PRIM2: variants seen among roughly 807,000 people sequenced by gnomAD.
PRIM2 encodes the protein DNA primase large subunit.
Under a neutral mutation model 67.3 loss-of-function variants are expected in PRIM2, and 39 were observed. That is an observed-to-expected ratio of 0.58 (90% confidence interval 0.45 to 0.76). PRIM2 has a LOEUF of 0.76. Among genes scored for constraint, PRIM2 ranks in the 30% least tolerant of loss-of-function variants. The pLI is 0.00. For missense variants in PRIM2, 398 were observed against 598.7 expected (o/e 0.66, Z 3.50); for synonymous variants, 143 against 198.7 (o/e 0.72, Z 2.36).
chr6:57,406,991 A>G (rs1770914479), intron 7 of PRIM2, among the ~76,000 whole-genome samples: 1 of 150,868 alleles, frequency 6.6e-6, no homozygotes. Context: ...AATGATCTAG[A>G]AAACAGATAA....
intron 12 of PRIM2, among the ~76,000 whole-genome samples, chr6:57,615,420 CAAAAAAAAA>C (rs1159988256): frequency 9.3e-6 from 1 of 107,360 alleles, no homozygotes; most frequent in Non-Finnish European, 2.0e-5. Flanking sequence ...GATTCTGTCT[CAAAAAAAAA>C]AAAAAAAAAA....
chr6:57,395,364 T>C (rs28877338), intron 7 of PRIM2, among the ~76,000 whole-genome samples: 8 of 152,190 alleles, frequency 5.3e-5, no homozygotes, highest in Non-Finnish European at 1.2e-4. Flanking sequence ...GTTCAGGGTA[T>C]CTAATTCTTC....
intron 8 of PRIM2, among the ~76,000 whole-genome samples, chr6:57,514,542 C>G (rs1461730254): frequency 2.0e-5 from 3 of 152,164 alleles, no homozygotes; most frequent in African/African-American, 4.8e-5. Context: ...TTTCTACATG[C>G]AGCAGCACAA....
chr6:57,270,479 T>A, the PRIM2 span, among the ~76,000 whole-genome samples: 1 of 152,200 alleles, frequency 6.6e-6, no homozygotes, highest in Non-Finnish European at 1.5e-5. Flanking sequence ...ATTGATTTTG[T>A]ATCCTGAGAC....
At position 57,458,810 on chromosome 6, in the gene PRIM2, A is replaced by T. The variant is rs1772901119; in HGVS notation, c.694-48577A>T. 2.6e-5 allele frequency among the ~76,000 whole-genome samples: 4 copies of T among 152,192 alleles called. 1 individual carries two copies. In the South Asian group the frequency reaches 8.3e-4, roughly 32 times the overall value. ...ACTTCATTTTTGTTTCCTACCCAGA[A>T]TACACACTTTGTCTTCATAAAAAAA... On this transcript the variant is annotated intron_variant, in intron 7 of 13. Coordinates refer to ENST00000615550, the MANE Select transcript of PRIM2 (RefSeq NM_000947.5).
chr6:57,427,595 G>A (rs1235084385), intron 7 of PRIM2, among the ~76,000 whole-genome samples: 2 of 152,196 alleles, frequency 1.3e-5, no homozygotes, highest in Non-Finnish European at 2.9e-5. Flanking sequence ...TGGGATTACA[G>A]GTGTGAGCCA....
chr6:57,313,026 A>G (rs765282959), upstream of PRIM2, among the ~76,000 whole-genome samples: 1 of 152,140 alleles, frequency 6.6e-6, no homozygotes, highest in Non-Finnish European at 1.5e-5. Context: ...TGGGTTTTCT[A>G]TTCTGTTCCA....
chr6:57,496,173 G>A (rs1373326585), intron 7 of PRIM2, among the ~76,000 whole-genome samples: 2 of 152,094 alleles, frequency 1.3e-5, no homozygotes, highest in African/African-American at 4.8e-5. Flanking sequence ...CTTCACTTTG[G>A]TAATTAATAT....
chr6:57,601,535 G>A (rs1468374314), intron 11 of PRIM2, among the ~76,000 whole-genome samples: 1 of 152,202 alleles, frequency 6.6e-6, no homozygotes. Context: ...CTTAGAGGGC[G>A]ATGTAAGTTT....
rs1442922940 is a variant in PRIM2, at chr6:57,467,121, G to GAA, written c.694-40263_694-40262dup. The stretch of plus-strand genomic sequence containing the variant: ...ACTCCATCTCAAAAAAAAAAAAAAA[G>GAA]AAAAGAAAAAAAGATCCCATTTGTT... On this transcript the variant is annotated intron_variant, in intron 7 of 13. Transcript: ENST00000615550. Among the ~76,000 whole-genome samples, 19 of 136,760 alleles carry GAA rather than the reference G, an allele frequency of 1.4e-4. 1 individual carries two copies. Among genetic ancestry groups the GAA allele is most frequent in the Admixed American group, 3.8e-4 (5 of 13,234 alleles). The allele number at this position is 136,760 out of a possible 152,430, so 89.7% of individuals were successfully genotyped here. A position where few individuals can be genotyped will look rare whatever the true frequency, so the allele number is the denominator to read the frequency against.
intron 12 of PRIM2, among the ~76,000 whole-genome samples, chr6:57,622,652 TCAA>T (rs1776880073): frequency 6.6e-6 from 1 of 152,206 alleles, no homozygotes; most frequent in Non-Finnish European, 1.5e-5. Context: ...GAATTTTCAC[TCAA>T]CTATTAATGA....
chr6:57,591,013 C>G (rs1280955198), intron 10 of PRIM2, among the ~76,000 whole-genome samples: 1 of 152,126 alleles, frequency 6.6e-6, no homozygotes, highest in Non-Finnish European at 1.5e-5. Context: ...TTTACTGCCT[C>G]CTGGACTCCT....
At chr6:57,236,868 A>G in the PRIM2 span, among the ~76,000 whole-genome samples, 3 of 152,324 alleles carry the variant, frequency 2.0e-5, no homozygotes, top group East Asian at 3.9e-4. Context: ...TAGTGCCGCA[A>G]TGAACATACT....
intron 2 of PRIM2, among the ~76,000 whole-genome samples, chr6:57,319,805 G>C (rs1767589808): frequency 1.3e-5 from 2 of 152,156 alleles, no homozygotes; most frequent in South Asian, 4.1e-4. Context: ...GTAGGAATGA[G>C]GGGAGGATAA....
intron 5 of PRIM2, among the ~76,000 whole-genome samples, chr6:57,326,902 T>C (rs1767884349): frequency 5.4e-5 from 1 of 18,370 alleles, no homozygotes; most frequent in Admixed American, 4.1e-4. Context: ...TCTTTTTTTT[T>C]TTTTTTTTTT....
chr6:57,408,767 TGTG>T (rs1389644930), intron 7 of PRIM2, among the ~76,000 whole-genome samples: 1 of 152,096 alleles, frequency 6.6e-6, no homozygotes, highest in Non-Finnish European at 1.5e-5. Flanking sequence ...ACTGGAATGC[TGTG>T]GTGAAATCAT....
At chr6:57,344,298 A>G (rs1397376302) in intron 5 of PRIM2, among the ~76,000 whole-genome samples, 1 of 152,112 alleles carries the variant, frequency 6.6e-6, no homozygotes, top group African/African-American at 2.4e-5. Flanking sequence ...CATAAACACT[A>G]GACATCTTTA....
chr6:57,348,313 A>G (rs1370607172), intron 5 of PRIM2, among the ~76,000 whole-genome samples: 1 of 152,246 alleles, frequency 6.6e-6, no homozygotes, highest in Non-Finnish European at 1.5e-5. Flanking sequence ...TAATATTCAA[A>G]GATCAGTGTA....
At chr6:57,296,854 T>A in the PRIM2 span, among the ~76,000 whole-genome samples, 3 of 152,144 alleles carry the variant, frequency 2.0e-5, no homozygotes, top group South Asian at 6.2e-4. Context: ...AAGATGGGTC[T>A]GTAACATTGT....
Sources: gnomAD v4.1 joint callset for allele counts (sites outside exome capture counted in the v4.1 genomes callset) on GRCh38, gnomAD v4.1.1 for gene constraint, MANE v1.5 for transcripts, NCBI Gene and HGNC (gene_info 2026-07-23, HGNC 2026-07-21) for gene names.